The following PRRC2C variants were observed in gnomAD, a reference collection of about 807,000 sequenced individuals.
The protein encoded by PRRC2C is protein PRRC2C.
PRRC2C carries 72 observed loss-of-function variants against 317.2 expected under a neutral mutation model. The ratio of observed to expected loss-of-function variants is 0.23; its 90% CI spans 0.19 to 0.28. The LOEUF (loss-of-function observed/expected upper bound fraction) is 0.28. PRRC2C is among the 10% of genes least tolerant of loss of function. PRRC2C has a pLI of 1.00. For synonymous variants in PRRC2C, 1,296 were observed against 1,205.9 expected (o/e 1.07, Z -1.55); for missense variants, 3,074 against 3,459.7 (o/e 0.89, Z 2.80).
chr1:171,568,403 T>C, intron 23 of PRRC2C, 64 bp downstream of exon 23: 1 of 1,534,944 alleles, frequency 6.5e-7, no homozygotes, highest in Non-Finnish European at 8.8e-7. Context: ...ATCAAGCACA[T>C]TATTTCATGT....
intron 1 of PRRC2C, among the ~76,000 whole-genome samples, chr1:171,492,736 A>T (rs528303854): frequency 1.9e-5 from 1 of 51,908 alleles, no homozygotes; most frequent in Admixed American, 1.7e-4. Context: ...GAATTTTTTT[A>T]ATTTTATTTA....
chr1:171,538,162 G>A (rs776430301), intron 15 of PRRC2C, among the ~76,000 whole-genome samples: 18 of 152,154 alleles, frequency 1.2e-4, no homozygotes, highest in Non-Finnish European at 2.5e-4. Flanking sequence ...TTTTTATAGA[G>A]ATGGGGTTTT....
In PRRC2C at chr1:171,490,585, T is replaced by C. The variant is rs369038859; in HGVS notation, c.-58+4850T>C. Among the ~76,000 whole-genome samples the C allele has an allele frequency of 6.6e-5, 10 of 152,258 alleles. No individual in the cohort carries two copies. In the East Asian group the frequency reaches 1.9e-3, roughly 29 times the overall value. ...AAATGTAATAGGATGTCTAGGACAG[T>C]CTATGGCAAGGGAAGAACAAGACAA... On this transcript the variant is annotated intron_variant, in intron 1 of 34. Transcript: ENST00000647382.
intron 18 of PRRC2C, among the ~76,000 whole-genome samples, chr1:171,556,387 G>A (rs1477385351): frequency 6.6e-6 from 1 of 152,202 alleles, no homozygotes; most frequent in Non-Finnish European, 1.5e-5. Context: ...CCTGGGTGAG[G>A]CAATGCCCTG....
At position 171,593,360 on chromosome 1, in the gene PRRC2C, C is replaced by T. The variant is rs1338174352; in HGVS notation, c.*1513C>T. ...ATCCCGGTTTACTGTGTTGAGTTGG[C>T]ATTGTACAGAAATTAACAGCCATAT... On this transcript the variant is annotated 3_prime_UTR_variant, in exon 35 of 35. Transcript: ENST00000647382. The T allele has an allele frequency of 6.6e-6, 1 of 151,326 alleles. No homozygotes were observed. The highest frequency in any genetic ancestry group is 2.1e-4 in the South Asian group (1 of 4,814). 9.4% of individuals were successfully genotyped at this position (151,326 alleles called of 1,614,324 possible). A position where few individuals can be genotyped will look rare whatever the true frequency, so the allele number is the denominator to read the frequency against.
intron 30 of PRRC2C, among the ~76,000 whole-genome samples, chr1:171,585,944 A>T (rs1649802088): frequency 6.6e-6 from 1 of 152,122 alleles, no homozygotes; most frequent in Non-Finnish European, 1.5e-5. Context: ...CCTTTGTTTC[A>T]TACATACTTT....
At chr1:171,501,501 G>C (rs1669111951) in intron 1 of PRRC2C, among the ~76,000 whole-genome samples, 1 of 152,154 alleles carries the variant, frequency 6.6e-6, no homozygotes, top group Non-Finnish European at 1.5e-5. Flanking sequence ...TGCTCAGTCA[G>C]TCATAGAACC....
chr1:171,584,187 G>A lies in PRRC2C; in HGVS notation c.7641G>A (p.Gln2547=). Residue 2547 remains glutamine (Q), a splice_region_variant and synonymous_variant, in exon 29 of 35, where the codon CAG becomes CAA. Transcript: ENST00000647382. The part of the protein sequence containing the change: ...GSQLIDTHLL[Q]ARANLTQASN... ...AGCTGATTGACACACATCTTCTCCAGGTAAGTCAGGGGACTAGAGCAATGC... is the reference window on the plus strand; with the variant it reads ...AGCTGATTGACACACATCTTCTCCAAGTAAGTCAGGGGACTAGAGCAATGC... The A allele has an allele frequency of 6.2e-7, 1 of 1,607,072 alleles. No individual in the cohort carries two copies. The highest frequency in any genetic ancestry group is 8.5e-7 in the Non-Finnish European group (1 of 1,173,758).
At chr1:171,488,787 G>A (rs1029200667) in intron 1 of PRRC2C, among the ~76,000 whole-genome samples, 1 of 152,048 alleles carries the variant, frequency 6.6e-6, no homozygotes, top group Non-Finnish European at 1.5e-5. Context: ...TGATTAACTA[G>A]ACTCTTAGAC....
intron 1 of PRRC2C, among the ~76,000 whole-genome samples, chr1:171,504,969 A>G (rs1299772943): frequency 6.6e-6 from 1 of 151,404 alleles, no homozygotes; most frequent in East Asian, 1.9e-4. Context: ...AACGTTTTGT[A>G]GTGTTCAATG....
rs143785159 is a variant in PRRC2C, at chr1:171,548,032, C to T, written c.4973-2054C>T. Among the ~76,000 whole-genome samples the T allele has an allele frequency of 5.5e-3, 845 of 152,258 alleles. 3 individuals carry two copies. The highest frequency in any genetic ancestry group is 0.031 in the Middle Eastern group (9 of 294). ...CCAAGCTGGAGTACAGTGGCGTGAT[C>T]TCGGCTCACTGCAACCTCTGCCTCC... is the stretch of plus-strand genomic sequence containing the variant. On this transcript the variant is annotated intron_variant, in intron 17 of 34. Coordinates refer to ENST00000647382, the MANE Select transcript of PRRC2C (RefSeq NM_001387844.1).
chr1:171,506,567 G>C (rs1316012493), intron 1 of PRRC2C, among the ~76,000 whole-genome samples: 2 of 145,798 alleles, frequency 1.4e-5, no homozygotes, highest in East Asian at 4.0e-4. Context: ...CATAGATTAG[G>C]CTGTTTGAAG....
chr1:171,558,217 A>G (rs1681820231), intron 19 of PRRC2C, 74 bp downstream of exon 19: 4 of 1,447,142 alleles, frequency 2.8e-6, no homozygotes, highest in South Asian at 2.9e-5. Flanking sequence ...TTTTATTTAT[A>G]TACTCTTTAA....
At chr1:171,551,701 CCATT>C in intron 18 of PRRC2C, among the ~76,000 whole-genome samples, 1 of 152,282 alleles carries the variant, frequency 6.6e-6, no homozygotes, top group South Asian at 2.1e-4. Context: ...TTTCCCAGCA[CCATT>C]TATTAAATAG....
rs780381639 is a variant in PRRC2C, at chr1:171,524,963, C to A, written c.1198C>A (p.Gln400Lys). The A allele has an allele frequency of 6.2e-7, 1 of 1,602,130 alleles. No individual in the cohort carries two copies. Among genetic ancestry groups the A allele is most frequent in the Non-Finnish European group, 8.5e-7 (1 of 1,173,554 alleles). ...VPYGKGPSFNQERGTSSHLPP... is the reference protein window; with the variant it reads ...VPYGKGPSFNKERGTSSHLPP... Reference sequence around the variant, plus strand: ...CTATGGGAAAGGACCTTCATTTAATCAGGTTTGTTGGACTCATGGAGATCC... The same window carrying A: ...CTATGGGAAAGGACCTTCATTTAATAAGGTTTGTTGGACTCATGGAGATCC... The change falls in exon 10 of 35, where the codon CAG becomes AAG. Residue 400 changes from glutamine to lysine, a missense_variant and splice_region_variant. This residue lies in a region of PRRC2C where 1,320 missense variants were observed against 1,395.7 expected (regional missense o/e 0.95). Transcript: ENST00000647382.
Position 171,527,788 on chromosome 1 carries a change from T to C in PRRC2C, c.1201-3T>C. On this transcript the variant is annotated splice_polypyrimidine_tract_variant and splice_region_variant and intron_variant, in intron 10 of 34. Coordinates refer to ENST00000647382, the MANE Select transcript of PRRC2C (RefSeq NM_001387844.1). ...AAGAATAATTCTTTCTTCTTTATAA[T>C]AGGAACGTGGAACATCTTCACATCT... 6.4e-7 allele frequency: 1 copy of C among 1,569,090 alleles called. No individual in the cohort carries two copies. Among genetic ancestry groups the C allele is most frequent in the Non-Finnish European group, 8.7e-7 (1 of 1,154,918 alleles).
rs753998924 is a variant in PRRC2C, at chr1:171,540,569, G to A, written c.3103G>A (p.Glu1035Lys). 2.5e-6 allele frequency: 4 copies of A among 1,613,866 alleles called. No individual in the cohort carries two copies. The highest frequency in any genetic ancestry group is 2.5e-6 in the Non-Finnish European group (3 of 1,179,870). Residue 1035 changes from glutamate (E) to lysine (K), a missense_variant, in exon 16 of 35, where the codon GAG (glutamate) becomes AAG (lysine). Transcript: ENST00000647382. ...DMKEEREQRK[E>K]KEGEKAEKVT... ...GAAAGAGGAACGGGAACAGAGGAAG[G>A]AGAAAGAAGGAGAAAAGGCCGAAAA...
chr1:171,566,609 A>C lies in PRRC2C; in HGVS notation c.6324A>C (p.Pro2108=), dbSNP rs1203073490. 6.3e-7 allele frequency: 1 copy of C among 1,587,384 alleles called. No individual in the cohort carries two copies. Among genetic ancestry groups the C allele is most frequent in the Admixed American group, 1.8e-5 (1 of 54,874 alleles). Residue 2108 remains proline, a synonymous_variant, in exon 22 of 35, where the codon CCA becomes CCC. Transcript: ENST00000647382. The part of the protein sequence containing the change: ...IKAQKLPDLS[P]VENKEHKPGP... ...GACTTTAGCTTCCAGATTTGAGTCCAGTAGAAAACAAAGAACACAAACCTG... is the reference window on the plus strand; with the variant it reads ...GACTTTAGCTTCCAGATTTGAGTCCCGTAGAAAACAAAGAACACAAACCTG...
At chr1:171,588,941 A>T (rs1167439435) in intron 33 of PRRC2C, among the ~76,000 whole-genome samples, 1 of 152,244 alleles carries the variant, frequency 6.6e-6, no homozygotes, top group Non-Finnish European at 1.5e-5. Flanking sequence ...TGCTGATCGT[A>T]TAAAAGGACT....
Sources: gnomAD v4.1 joint callset for allele counts (sites outside exome capture counted in the v4.1 genomes callset) on GRCh38, gnomAD v4.1.1 for gene constraint, gnomAD v4.1.1 regional missense constraint, MANE v1.5 for transcripts, NCBI Gene and HGNC (gene_info 2026-07-23, HGNC 2026-07-21) for gene names.